UMODL1: variants seen among roughly 807,000 people sequenced by gnomAD.
UMODL1 encodes uromodulin like 1, also known as uromodulin-like 1.
In UMODL1, 128 loss-of-function variants were observed where a neutral mutation model predicts 136.3. The ratio of observed to expected loss-of-function variants is 0.94; its 90% CI spans 0.81 to 1.09. UMODL1 has a LOEUF of 1.09. Ranked by LOEUF, UMODL1 falls within the 50% of genes least tolerant of loss-of-function variation. The probability of loss-of-function intolerance (pLI) is 0.00; values close to 1 mark genes in which losing one functional copy is unlikely to be tolerated. For missense variants in UMODL1, 1,766 were observed against 1,725.6 expected (o/e 1.02, Z -0.41); for synonymous variants, 721 against 720.0 (o/e 1.00, Z -0.02).
rs567655219 is a variant in UMODL1, at chr21:42,123,547, G to C, written c.3147+397G>C. 6.6e-6 allele frequency among the ~76,000 whole-genome samples: 1 copy of C among 151,926 alleles called. No individual in the cohort carries two copies. Among genetic ancestry groups the C allele is most frequent in the Non-Finnish European group, 1.5e-5 (1 of 67,966 alleles). ...TCTGAATATGTCTGTGTATGTGGGG[G>C]TGTGCATGTGTGTGAATGTGTGTAA... On this transcript the variant is annotated intron_variant, in intron 17 of 22. Coordinates refer to ENST00000408910, the MANE Select transcript of UMODL1 (RefSeq NM_001004416.3). This position sits in a 1 kb window ranked among gnomAD's most constrained non-coding sequence, Gnocchi z 4.4.
At chr21:42,093,642 C>G (rs1267899251) in intron 6 of UMODL1, 1 of 259,604 alleles carries the variant, frequency 3.9e-6, no homozygotes, top group African/African-American at 2.3e-5. Context: ...TCACCAGGAA[C>G]GTTCCCCTCC....
At position 42,076,168 on chromosome 21, in the gene UMODL1, G is replaced by C; in HGVS notation, c.240G>C (p.Leu80=). The C allele has an allele frequency of 6.2e-7, 1 of 1,614,276 alleles. No individual in the cohort carries two copies. The highest frequency in any genetic ancestry group is 8.5e-7 in the Non-Finnish European group (1 of 1,180,054). ...AGATGGTTTACCGGACACAGTACCTGGTAGTGGAGGTCCCCGAGTCCAGGA... is the reference window on the plus strand; with the variant it reads ...AGATGGTTTACCGGACACAGTACCTCGTAGTGGAGGTCCCCGAGTCCAGGA... ...CPKMVYRTQY[L]VVEVPESRNV... Residue 80 remains leucine (L), a synonymous_variant, in exon 2 of 23, where the codon CTG becomes CTC. Transcript: ENST00000408910.
intron 1 of UMODL1, among the ~76,000 whole-genome samples, chr21:42,074,504 C>T (rs768085167): frequency 8.5e-5 from 13 of 152,124 alleles, no homozygotes; most frequent in African/African-American, 2.4e-4. Context: ...CCAGGCACCA[C>T]GTCAGGGGAT....
chr21:42,084,378 T>A, intron 3 of UMODL1, 133 bp downstream of exon 3: 1 of 968,842 alleles, frequency 1.0e-6, no homozygotes, highest in East Asian at 2.9e-5. Context: ...CCCCACCGTG[T>A]GCACAGGCAG....
chr21:42,136,165 G>A (rs1417374550), intron 21 of UMODL1, among the ~76,000 whole-genome samples: 1 of 152,120 alleles, frequency 6.6e-6, no homozygotes, highest in East Asian at 1.9e-4. Flanking sequence ...GAGCCAGCAG[G>A]CAGCTGGCAT....
rs528548726 is a variant in UMODL1, at chr21:42,079,869, T to C, written c.319+3622T>C. Among the ~76,000 whole-genome samples, 15 of 152,268 alleles carry C rather than the reference T, an allele frequency of 9.9e-5. No individual in the cohort carries two copies. The South Asian group carries it at 1.9e-3, about 19-fold the overall frequency. On this transcript the variant is annotated intron_variant, in intron 2 of 22. Transcript: ENST00000408910. ...CTGCACTTTAGTATAAGGGAGTTTG[T>C]GGCATTTGAGTGCTGTGGCTGTGGC...
chr21:42,104,234 C>A, intron 9 of UMODL1, 147 bp downstream of exon 9: 1 of 891,532 alleles, frequency 1.1e-6, no homozygotes, highest in Non-Finnish European at 1.7e-6. Flanking sequence ...AACCAGGGGC[C>A]AGGGCAGTAG....
chr21:42,078,146 CAGGG>C (rs1569141241), intron 2 of UMODL1, among the ~76,000 whole-genome samples: 4 of 149,862 alleles, frequency 2.7e-5, no homozygotes, highest in Non-Finnish European at 6.0e-5. Flanking sequence ...AGAAACCAGG[CAGGG>C]CCAGCTGACC....
chr21:42,102,052 G>A (rs555764576), intron 7 of UMODL1, 114 bp from the exon 8 acceptor site: 3 of 690,324 alleles, frequency 4.3e-6, no homozygotes, highest in Admixed American at 2.9e-5. Context: ...TAAGATTCAT[G>A]CCTCAATCTA....
intron 6 of UMODL1, among the ~76,000 whole-genome samples, chr21:42,095,563 C>T (rs895975044): frequency 6.6e-6 from 1 of 152,160 alleles, no homozygotes; most frequent in Admixed American, 6.5e-5. Context: ...GATTATCTTT[C>T]CATCTGAAGA....
At chr21:42,111,355 G>A in intron 11 of UMODL1, 151 bp from the exon 12 acceptor site, 1 of 1,610,044 alleles carries the variant, frequency 6.2e-7, no homozygotes, top group Non-Finnish European at 8.5e-7. Context: ...CCAGCCAGGA[G>A]AGCCCCAGCC....
upstream of UMODL1, among the ~76,000 whole-genome samples, chr21:42,070,716 C>T (rs1396015931): frequency 6.6e-6 from 1 of 152,232 alleles, no homozygotes; most frequent in African/African-American, 2.4e-5. Context: ...TGTAATTTCC[C>T]ACTTTAAGTC....
chr21:42,089,821 C>T (rs904473753), intron 5 of UMODL1, among the ~76,000 whole-genome samples: 2 of 152,228 alleles, frequency 1.3e-5, no homozygotes, highest in Non-Finnish European at 1.5e-5. Context: ...GCTGTCTGTA[C>T]TTAGACAGCA....
At position 42,076,087 on chromosome 21, in the gene UMODL1, G is replaced by T. The variant is rs762861028; in HGVS notation, c.159G>T (p.Thr53=). 6.2e-7 allele frequency: 1 copy of T among 1,614,262 alleles called. No homozygotes were observed. The highest frequency in any genetic ancestry group is 8.5e-7 in the Non-Finnish European group (1 of 1,180,048). ...TACAGAAGGTGGAGGCCGTGCAGAC[G>T]TCCTACACGTCCTATGTGTCCTGCG... ...HTVQKVEAVQ[T]SYTSYVSCGG... Residue 53 remains threonine, a synonymous_variant, in exon 2 of 23, where the codon ACG becomes ACT. Coordinates refer to ENST00000408910, the MANE Select transcript of UMODL1 (RefSeq NM_001004416.3).
chr21:42,084,361 C>T, intron 3 of UMODL1, 116 bp downstream of exon 3: 2 of 1,170,656 alleles, frequency 1.7e-6, no homozygotes, highest in Non-Finnish European at 2.3e-6. Context: ...CCGATTTCAT[C>T]AGGAGCCCCC....
Position 42,064,157 on chromosome 21 carries a change from A to T in UMODL1, c.-141+943A>T, listed in dbSNP as rs368458964. On this transcript the variant is annotated intron_variant, in intron 1 of 22. Transcript: ENST00000400424. ...CGTTCTCCGTTGGCAGTTCAGCCCAACAGTTTCTCTGCCGGCCGTGCCTCT... is the reference window on the plus strand; with the variant it reads ...CGTTCTCCGTTGGCAGTTCAGCCCATCAGTTTCTCTGCCGGCCGTGCCTCT... Among the ~76,000 whole-genome samples, 6 of 152,242 alleles carry T rather than the reference A, an allele frequency of 3.9e-5. No individual in the cohort carries two copies. In the East Asian group the frequency reaches 9.7e-4, roughly 25 times the overall value.
intron 3 of UMODL1, 79 bp downstream of exon 3, chr21:42,084,324 G>C (rs1035911549): frequency 2.0e-5 from 29 of 1,485,766 alleles, no homozygotes; most frequent in South Asian, 2.7e-5. Flanking sequence ...GAAGGTGTGG[G>C]GGGGAGTGTG....
In UMODL1 at chr21:42,109,553, C is replaced by G; in HGVS notation, c.1520-9C>G. ...TCTCATGGGTTTTGATTGTGTCTCC[C>G]CCTGGCAGACTGGGACGAGTGTGTG... On this transcript the variant is annotated splice_polypyrimidine_tract_variant and intron_variant, in intron 9 of 22. Transcript: ENST00000408910. The G allele has an allele frequency of 2.5e-5, 40 of 1,610,246 alleles. No individual in the cohort carries two copies. The highest frequency in any genetic ancestry group is 3.4e-5 in the Non-Finnish European group (40 of 1,179,954).
At chr21:42,116,464 T>C (rs908994955) in intron 14 of UMODL1, among the ~76,000 whole-genome samples, 1 of 152,136 alleles carries the variant, frequency 6.6e-6, no homozygotes, top group Admixed American at 6.5e-5. Flanking sequence ...CCTGACTCCC[T>C]GAGTGTCCCT....
Sources: allele counts gnomAD v4.1 joint callset (sites outside exome capture counted in the v4.1 genomes callset), GRCh38; gene constraint gnomAD v4.1.1; non-coding constraint Gnocchi (gnomAD v3.1); transcripts MANE v1.5; gene names NCBI Gene and HGNC (gene_info 2026-07-23, HGNC 2026-07-21).